The following MESD variants were observed in gnomAD, a reference collection of about 807,000 sequenced individuals.
MESD encodes LRP chaperone MESD.
A neutral mutation model predicts 12.9 loss-of-function variants in MESD; 7 were observed. That is an observed-to-expected ratio of 0.54 (90% CI 0.31 to 1.02). The LOEUF (loss-of-function observed/expected upper bound fraction) is 1.02, where lower values mean the gene tolerates loss of function less well. MESD is among the 50% of genes least tolerant of loss of function. The pLI, the probability that MESD is intolerant of heterozygous loss-of-function variation, is 0.05. For missense variants in MESD, 342 were observed against 296.7 expected (o/e 1.15, Z -1.12); for synonymous variants, 126 against 115.6 (o/e 1.09, Z -0.58).
downstream of MESD, chr15:80,946,793 A>G (rs544068477): frequency 1.1e-5 from 7 of 656,258 alleles, no homozygotes; most frequent in African/African-American, 3.6e-5. Context: ...CACCACATGG[A>G]AAGAGCCCGT....
chr15:80,987,485 ATCTG>A (rs1902764428), intron 1 of MESD, among the ~76,000 whole-genome samples: 1 of 147,272 alleles, frequency 6.8e-6, no homozygotes, highest in Non-Finnish European at 1.5e-5. Context: ...TGAGTTCAAA[ATCTG>A]TCTTTTTTTT....
In MESD at chr15:80,989,769, C is replaced by G; in HGVS notation, c.23G>C (p.Arg8Pro). 2 of 1,592,972 alleles carry G rather than the reference C, an allele frequency of 1.3e-6. No homozygotes were observed. Among genetic ancestry groups the G allele is most frequent in the South Asian group, 1.1e-5 (1 of 90,558 alleles). ...GGCACAAAGCAGGACCACGGCCTTGCGCGCCCACCTGGAAGCCGCCATTTT... is the reference window on the plus strand; with the variant it reads ...GGCACAAAGCAGGACCACGGCCTTGGGCGCCCACCTGGAAGCCGCCATTTT... MAASRWA[R>P]KAVVLLCASD... Residue 8 changes from arginine to proline, a missense_variant, in exon 1 of 3, where the codon CGC (arginine) becomes CCC (proline). Transcript: ENST00000261758.
In MESD at chr15:80,978,169, T is replaced by C. The variant is rs1259556074; in HGVS notation, c.*1050A>G. The C allele has an allele frequency of 6.6e-6, 1 of 152,244 alleles. No homozygotes were observed. Among genetic ancestry groups the C allele is most frequent in the Non-Finnish European group, 1.5e-5 (1 of 68,052 alleles). 9.4% of individuals were successfully genotyped at this position (152,244 alleles called of 1,614,324 possible). A position where few individuals can be genotyped will look rare whatever the true frequency, so the allele number is the denominator to read the frequency against. On this transcript the variant is annotated 3_prime_UTR_variant, in exon 3 of 3. Coordinates refer to ENST00000261758, the MANE Select transcript of MESD (RefSeq NM_015154.3). The stretch of plus-strand genomic sequence containing the variant: ...CAAGAGAGGGATACACTTTTCACTT[T>C]GTACCATTCTTTAACACTGACATTT...
intron 3 of MESD, among the ~76,000 whole-genome samples, chr15:80,968,787 C>T (rs568242300): frequency 4.6e-5 from 7 of 152,282 alleles, no homozygotes; most frequent in African/African-American, 1.7e-4. Flanking sequence ...ATAACTTGTC[C>T]AACATGATAC....
At chr15:80,952,113 G>A (rs563404087) in exon 4 of MESD, 18 of 450,516 alleles carry the variant, frequency 4.0e-5, no homozygotes, top group East Asian at 1.4e-4. Flanking sequence ...TCCCCTCCCC[G>A]ATGGGGAAGC....
In MESD at chr15:80,948,661, C is replaced by G. The variant is rs1020165539; in HGVS notation, c.*864G>C. The G allele has an allele frequency of 2.5e-6, 3 of 1,188,164 alleles. No homozygotes were observed. The African/African-American group carries it at 4.5e-5, about 18-fold the overall frequency. 73.6% of individuals were successfully genotyped at this position (1,188,164 alleles called of 1,614,324 possible). ...TCAGTAGCTGAGCACAGAGCTCTTC[C>G]CAAGGGGCCACAGTGCAGTGTGGCT... On this transcript the variant is annotated 3_prime_UTR_variant, in exon 5 of 5. Transcript: ENST00000561312.
Position 80,982,160 on chromosome 15 carries a change from CCTT to C in MESD, c.233_235del (p.Glu78del). 1 of 1,613,972 alleles carries C rather than the reference CCTT, an allele frequency of 6.2e-7. No homozygotes were observed. Among genetic ancestry groups the C allele is most frequent in the African/African-American group, 1.3e-5 (1 of 75,010 alleles). On this transcript the variant is annotated inframe_deletion, in exon 2 of 3. Coordinates refer to ENST00000261758, the MANE Select transcript of MESD (RefSeq NM_015154.3). ...AGGTCTCTTGTGCTCTGGAAGATCT[CCTT>C]CTTCAATGTCATCATCTTTCTATCA...
intron 3 of MESD, among the ~76,000 whole-genome samples, chr15:80,963,549 T>A (rs1490063196): frequency 6.6e-6 from 1 of 152,192 alleles, no homozygotes. Flanking sequence ...TAGGCCAGTA[T>A]CCCTGATGAA....
rs994281059 is a variant in MESD, at chr15:80,983,235, C to T, written c.214-1053G>A. Among the ~76,000 whole-genome samples, 4 of 150,190 alleles carry T rather than the reference C, an allele frequency of 2.7e-5. No individual in the cohort carries two copies. In the Admixed American group the frequency reaches 2.7e-4, roughly 10 times the overall value. On this transcript the variant is annotated intron_variant, in intron 1 of 2. Transcript: ENST00000261758. ...TCCAGCCTGGGAGACAGAACGAGAC[C>T]CTGTCTTAAAAGAAAAAAAAAAAAA...
Position 80,948,751 on chromosome 15 carries a change from TC to T in MESD, c.*773del, listed in dbSNP as rs1429918408. 3 of 1,613,262 alleles carry T rather than the reference TC, an allele frequency of 1.9e-6. No individual in the cohort carries two copies. The East Asian group carries it at 6.7e-5, about 36-fold the overall frequency. On this transcript the variant is annotated 3_prime_UTR_variant, in exon 5 of 5. Coordinates refer to the MESD transcript ENST00000561312. Reference sequence around the variant, plus strand: ...GCCATGGAACGGGGTGGGGCAGCCGTCCTCTCATAGGGCTTTTGCTCAGGAG... The same window carrying T: ...GCCATGGAACGGGGTGGGGCAGCCGTCTCTCATAGGGCTTTTGCTCAGGAG...
At chr15:80,974,493 T>C (rs745770103), downstream of MESD, among the ~76,000 whole-genome samples, 8 of 152,166 alleles carry the variant, frequency 5.3e-5, no homozygotes, top group Non-Finnish European at 8.8e-5. Flanking sequence ...ATTCTCCATT[T>C]GGATTTTTTG....
chr15:80,970,102 T>C (rs1315415696), intron 3 of MESD, among the ~76,000 whole-genome samples: 1 of 152,190 alleles, frequency 6.6e-6, no homozygotes, highest in East Asian at 1.9e-4. Context: ...TTCACAGATA[T>C]TTTGCAAGCA....
chr15:80,957,088 G>C (rs1310713508), intron 3 of MESD, among the ~76,000 whole-genome samples: 1 of 152,072 alleles, frequency 6.6e-6, no homozygotes, highest in Non-Finnish European at 1.5e-5. Context: ...GCCTCCCAAA[G>C]TGCTGGGATT....
At chr15:80,983,793 C>A (rs1902651224) in intron 1 of MESD, among the ~76,000 whole-genome samples, 1 of 149,850 alleles carries the variant, frequency 6.7e-6, no homozygotes, top group Non-Finnish European at 1.5e-5. Flanking sequence ...ATCTCAACAT[C>A]AAAATAAATA....
intron 4 of MESD, chr15:80,948,912 G>C (rs1484339907): frequency 1.9e-6 from 3 of 1,614,244 alleles, no homozygotes; most frequent in Non-Finnish European, 2.5e-6. Flanking sequence ...TGGTGAAGAA[G>C]AAGAAGTTGT....
chr15:80,961,018 G>C (rs768970334), intron 3 of MESD, among the ~76,000 whole-genome samples: 2 of 152,128 alleles, frequency 1.3e-5, no homozygotes, highest in South Asian at 2.1e-4. Flanking sequence ...AGGAAGATGA[G>C]AGCTTTGGTC....
chr15:80,960,585 T>C (rs1315365570), intron 3 of MESD, among the ~76,000 whole-genome samples: 2 of 152,170 alleles, frequency 1.3e-5, no homozygotes, highest in Non-Finnish European at 2.9e-5. Flanking sequence ...GGGAAAACAC[T>C]TGATATATGG....
intron 3 of MESD, among the ~76,000 whole-genome samples, chr15:80,963,568 C>A (rs776610196): frequency 6.6e-6 from 1 of 152,096 alleles, no homozygotes; most frequent in Non-Finnish European, 1.5e-5. Context: ...AAGATCAATG[C>A]GAAAATCCTC....
intron 1 of MESD, among the ~76,000 whole-genome samples, chr15:80,985,639 C>CTTTTTTTTT (rs11425497): frequency 1.0e-4 from 9 of 89,042 alleles, no homozygotes; most frequent in Non-Finnish European, 1.5e-4. Context: ...TCCCAAGCAG[C>CTTTTTTTTT]TTTTTTTTTT....
Sources: allele counts gnomAD v4.1 joint callset (sites outside exome capture counted in the v4.1 genomes callset), GRCh38; gene constraint gnomAD v4.1.1; transcripts MANE v1.5; gene names NCBI Gene and HGNC (gene_info 2026-07-23, HGNC 2026-07-21).